The following SPEF2 variants were observed in gnomAD, a reference collection of about 807,000 sequenced individuals.
SPEF2 encodes sperm flagellar and cilia associated 2, also known as sperm flagella and cilia-associated protein 2.
Under a neutral mutation model 224.6 loss-of-function variants are expected in SPEF2, and 187 were observed. The ratio of observed to expected loss-of-function variants is 0.83; its 90% CI spans 0.74 to 0.94. SPEF2 has a LOEUF of 0.94. Among genes scored for constraint, SPEF2 ranks in the 40% least tolerant of loss-of-function variants. The pLI is 0.00. For missense variants in SPEF2, 2,170 were observed against 2,135.6 expected, an observed-to-expected ratio of 1.02 and a Z score of -0.32; for synonymous variants, 715 against 707.3, an observed-to-expected ratio of 1.01 and a Z score of -0.17.
chr5:35,762,900 CA>C (rs1751518158), intron 25 of SPEF2, among the ~76,000 whole-genome samples: 1 of 152,174 alleles, frequency 6.6e-6, no homozygotes, highest in African/African-American at 2.4e-5. Flanking sequence ...CAGCACTTTA[CA>C]AAACAAAGAG....
intron 34 of SPEF2, among the ~76,000 whole-genome samples, chr5:35,805,705 A>G (rs1757969238): frequency 6.6e-6 from 1 of 152,228 alleles, no homozygotes; most frequent in African/African-American, 2.4e-5. Flanking sequence ...GAAATTGTCT[A>G]TTCCGCTATC....
rs967154252 is a variant in SPEF2 at position 35,692,685 on chromosome 5, T to C, written c.1860T>C (p.Asp620=). ...VLPIQKNDEE[D]ALPVLQEEIK... ...CAATTCAGAAAAATGATGAAGAAGATGCTCTACCAGTTCTGCAAGAGGAGA... is the reference window on the plus strand; with the variant it reads ...CAATTCAGAAAAATGATGAAGAAGACGCTCTACCAGTTCTGCAAGAGGAGA... Residue 620 remains aspartate (D), a synonymous_variant, in exon 12 of 37, where the codon GAT becomes GAC. Transcript: ENST00000356031. 18 of 1,613,838 alleles carry C rather than the reference T, an allele frequency of 1.1e-5. No homozygotes were observed. Among genetic ancestry groups the C allele is most frequent in the Non-Finnish European group, 1.5e-5 (18 of 1,179,908 alleles).
intron 10 of SPEF2, among the ~76,000 whole-genome samples, chr5:35,679,718 C>G (rs1471740682): frequency 6.6e-6 from 1 of 152,178 alleles, no homozygotes; most frequent in Non-Finnish European, 1.5e-5. Context: ...GGACTCAGCC[C>G]AGGTGCTTGG....
chr5:35,660,113 A>G (rs1195578564), intron 8 of SPEF2, among the ~76,000 whole-genome samples: 1 of 152,160 alleles, frequency 6.6e-6, no homozygotes, highest in East Asian at 1.9e-4. Context: ...TCTTTTAATT[A>G]TTTAATAGAT....
chr5:35,647,809 A>G (rs1007451819), intron 5 of SPEF2, among the ~76,000 whole-genome samples: 2 of 152,204 alleles, frequency 1.3e-5, no homozygotes, highest in African/African-American at 4.8e-5. Context: ...ACTTGTTGCT[A>G]TCAGTATATT....
intron 36 of SPEF2, among the ~76,000 whole-genome samples, chr5:35,808,775 CAT>C (rs1003974226): frequency 6.9e-6 from 1 of 145,940 alleles, no homozygotes; most frequent in Non-Finnish European, 1.5e-5. Context: ...TATATACACA[CAT>C]ATATATGTAT....
intron 19 of SPEF2, 106 bp downstream of exon 19, chr5:35,709,227 T>C: frequency 6.5e-7 from 1 of 1,533,188 alleles, no homozygotes; most frequent in South Asian, 1.3e-5. Context: ...GCAACTTCAA[T>C]CATATGAAAC....
chr5:35,773,550 G>T (rs1001137519), intron 27 of SPEF2, among the ~76,000 whole-genome samples: 1 of 152,162 alleles, frequency 6.6e-6, no homozygotes, highest in Non-Finnish European at 1.5e-5. Context: ...GTCTAATGGG[G>T]TCAGCACTAT....
chr5:35,745,548 T>C (rs1748367502), intron 23 of SPEF2, among the ~76,000 whole-genome samples: 1 of 29,538 alleles, frequency 3.4e-5, no homozygotes, highest in Admixed American at 3.8e-4. Flanking sequence ...CTGCCAGCTT[T>C]CCCCCACTTC....
chr5:35,740,774 C>T (rs1001052594), intron 23 of SPEF2, among the ~76,000 whole-genome samples: 16 of 152,112 alleles, frequency 1.1e-4, no homozygotes, highest in African/African-American at 3.6e-4. Flanking sequence ...CAATAACAAG[C>T]AGATTTTCAT....
chr5:35,643,665 C>T, intron 3 of SPEF2: 1 of 402,458 alleles, frequency 2.5e-6, no homozygotes, highest in Non-Finnish European at 5.0e-6. Flanking sequence ...AGTAGAGATG[C>T]CATCTTCTTT....
chr5:35,777,425 A>G (rs973688211), intron 29 of SPEF2, among the ~76,000 whole-genome samples: 1 of 152,172 alleles, frequency 6.6e-6, no homozygotes, highest in Non-Finnish European at 1.5e-5. Flanking sequence ...TCAGTTACTC[A>G]TCAGCATCAC....
At position 35,806,820 on chromosome 5, in the gene SPEF2, A is replaced by T. The variant is rs201712580; in HGVS notation, c.5124A>T (p.Glu1708Asp). The T allele has an allele frequency of 2.1e-4, 347 of 1,614,094 alleles. No individual in the cohort carries two copies. The highest frequency in any genetic ancestry group is 2.2e-4 in the Admixed American group (13 of 59,996). Residue 1708 changes from glutamate (E) to aspartate (D), a missense_variant, in exon 35 of 37, where the codon GAA (glutamate) becomes GAT (aspartate). Coordinates refer to ENST00000356031, the MANE Select transcript of SPEF2 (RefSeq NM_024867.4). ...CGGAGAAAAGGGAACAGAAGGATGAAGAAATCCCTGAAAATGCAAACAATG... is the reference window on the plus strand; with the variant it reads ...CGGAGAAAAGGGAACAGAAGGATGATGAAATCCCTGAAAATGCAAACAATG... Reference protein sequence around the residue: ...DDTEKREQKDEEIPENANNEK... With the variant: ...DDTEKREQKDDEIPENANNEK...
At chr5:35,752,440 C>T (rs186148870) in intron 23 of SPEF2, among the ~76,000 whole-genome samples, 226 of 152,036 alleles carry the variant, frequency 1.5e-3, no homozygotes, top group Non-Finnish European at 2.7e-3. Context: ...AGACATGTGC[C>T]ACCATGAATG....
intron 34 of SPEF2, among the ~76,000 whole-genome samples, chr5:35,805,408 T>C (rs1757935537): frequency 6.6e-6 from 1 of 152,184 alleles, no homozygotes; most frequent in African/African-American, 2.4e-5. Flanking sequence ...ACATGAGATT[T>C]ACATGACTAT....
At chr5:35,675,843 A>C (rs1388118249) in intron 10 of SPEF2, 3 of 447,190 alleles carry the variant, frequency 6.7e-6, no homozygotes, top group Non-Finnish European at 1.4e-5. Flanking sequence ...GTTACCAAGA[A>C]ACAAGGCTAT....
chr5:35,696,682 A>G (rs571632352), intron 14 of SPEF2, among the ~76,000 whole-genome samples: 43 of 152,316 alleles, frequency 2.8e-4, no homozygotes, highest in African/African-American at 9.6e-4. Flanking sequence ...GAGAGACATA[A>G]TAAACTATGA....
intron 31 of SPEF2, 54 bp downstream of exon 31, chr5:35,792,500 A>G: frequency 1.4e-6 from 2 of 1,419,898 alleles, no homozygotes; most frequent in Non-Finnish European, 2.0e-6. Flanking sequence ...TATTTGATCA[A>G]TGCATCAATA....
At chr5:35,634,928 C>T (rs576693702) in intron 2 of SPEF2, among the ~76,000 whole-genome samples, 1 of 151,928 alleles carries the variant, frequency 6.6e-6, no homozygotes, top group South Asian at 2.1e-4. Flanking sequence ...TCCCATCAAG[C>T]ATATCATATT....
Sources: allele counts gnomAD v4.1 joint callset (sites outside exome capture counted in the v4.1 genomes callset), GRCh38; gene constraint gnomAD v4.1.1; transcripts MANE v1.5; gene names NCBI Gene and HGNC (gene_info 2026-07-23, HGNC 2026-07-21).